ANAPC10: variants seen among roughly 807,000 people sequenced by gnomAD.
ANAPC10 encodes the protein anaphase promoting complex subunit 10.
ANAPC10 carries 12 observed loss-of-function variants against 22.0 expected under a neutral mutation model. The ratio of observed to expected loss-of-function variants is 0.55; its 90% CI spans 0.35 to 0.88. The LOEUF (loss-of-function observed/expected upper bound fraction) is 0.88. Ranked by LOEUF, ANAPC10 falls within the 40% of genes least tolerant of loss-of-function variation. The pLI, the probability that ANAPC10 is intolerant of heterozygous loss-of-function variation, is 0.01. For missense variants in ANAPC10, 188 were observed against 220.9 expected (o/e 0.85, Z 0.94); for synonymous variants, 65 against 69.5 (o/e 0.94, Z 0.32).
intron 4 of ANAPC10, among the ~76,000 whole-genome samples, chr4:145,033,613 G>A (rs980687598): frequency 2.6e-4 from 40 of 152,248 alleles, no homozygotes; most frequent in African/African-American, 8.7e-4. Flanking sequence ...CTGTGATTAA[G>A]GTCAATGGGA....
In ANAPC10 at chr4:145,008,879, C is replaced by T. The variant is rs532115249; in HGVS notation, c.328-13276G>A. Among the ~76,000 whole-genome samples the T allele has an allele frequency of 1.0e-3, 154 of 151,988 alleles. 1 individual carries two copies. Among genetic ancestry groups the T allele is most frequent in the South Asian group, 2.7e-3 (13 of 4,818 alleles). ...AAAAGAAATAAAGGGCATTCAATTA[C>T]GAAAAGAGGAAGTCATATTGTCCCT... On this transcript the variant is annotated intron_variant, in intron 4 of 4. Transcript: ENST00000507656.
chr4:145,077,997 A>C (rs1745431197), intron 3 of ANAPC10, among the ~76,000 whole-genome samples: 1 of 152,192 alleles, frequency 6.6e-6, no homozygotes, highest in African/African-American at 2.4e-5. Context: ...ACTTCTATTC[A>C]ACATAGTTCT....
intron 3 of ANAPC10, among the ~76,000 whole-genome samples, chr4:145,069,345 C>G (rs1258684233): frequency 6.6e-6 from 1 of 152,104 alleles, no homozygotes; most frequent in East Asian, 1.9e-4. Flanking sequence ...ATAAGCTACA[C>G]AAAGAAAAAA....
chr4:145,037,946 C>CAA (rs36071811), intron 4 of ANAPC10, among the ~76,000 whole-genome samples: 1,484 of 71,412 alleles, frequency 0.021, 38 homozygotes, highest in African/African-American at 0.061. Flanking sequence ...AACCCTGTCT[C>CAA]AAAAAAAAAA....
chr4:145,006,759 T>C (rs755493311), intron 4 of ANAPC10, among the ~76,000 whole-genome samples: 2 of 152,158 alleles, frequency 1.3e-5, no homozygotes, highest in African/African-American at 4.8e-5. Flanking sequence ...TAGCCTTTTT[T>C]CTGTCAGTAT....
rs114088423 is a variant in ANAPC10, at chr4:145,015,054, T to C, written c.328-19451A>G. Reference sequence around the variant, plus strand: ...CCTTAACACCCCCCAAAAAATCATATTGGCTCACCAGCAGTGGATCCAAAC... The same window carrying C: ...CCTTAACACCCCCCAAAAAATCATACTGGCTCACCAGCAGTGGATCCAAAC... On this transcript the variant is annotated intron_variant, in intron 4 of 4. Transcript: ENST00000507656. 4.3e-3 allele frequency among the ~76,000 whole-genome samples: 654 copies of C among 152,124 alleles called. 10 individuals carry two copies. The highest frequency in any genetic ancestry group is 0.015 in the African/African-American group (618 of 41,460).
At chr4:145,064,303 A>C (rs1232862970) in intron 4 of ANAPC10, 1 of 231,096 alleles carries the variant, frequency 4.3e-6, no homozygotes, top group Admixed American at 5.6e-5. Flanking sequence ...ACAACTGAAG[A>C]ATCTAGGAAG....
intron 4 of ANAPC10, among the ~76,000 whole-genome samples, chr4:145,011,957 A>G (rs1272612494): frequency 1.3e-5 from 2 of 152,108 alleles, no homozygotes; most frequent in South Asian, 2.1e-4. Flanking sequence ...CAGAAGTGTT[A>G]AAGAACAGAA....
intron 4 of ANAPC10, among the ~76,000 whole-genome samples, chr4:144,996,415 T>G (rs548866594): frequency 9.2e-5 from 14 of 152,288 alleles, no homozygotes; most frequent in Non-Finnish European, 1.8e-4. Flanking sequence ...CGGCTGCTGC[T>G]GCTGTGCTGG....
chr4:145,039,962 T>C (rs1486242883), intron 4 of ANAPC10, among the ~76,000 whole-genome samples: 1 of 152,144 alleles, frequency 6.6e-6, no homozygotes, highest in African/African-American at 2.4e-5. Flanking sequence ...GGTTCATGGT[T>C]AAATGGCAGA....
Position 145,059,461 on chromosome 4 carries a change from A to G in ANAPC10, c.327+5111T>C, listed in dbSNP as rs35193653. ...TTGGTAACAGCTTTATTATCTGAAG[A>G]CAAAAACAGAGCTTAAAATTCACTT... On this transcript the variant is annotated intron_variant, in intron 4 of 4. Transcript: ENST00000507656. Among the ~76,000 whole-genome samples the G allele has an allele frequency of 6.0e-4, 91 of 152,260 alleles. No homozygotes were observed. In the East Asian group the frequency reaches 0.017, roughly 29 times the overall value.
At chr4:145,010,327 A>T (rs1439371672) in intron 4 of ANAPC10, among the ~76,000 whole-genome samples, 1 of 152,196 alleles carries the variant, frequency 6.6e-6, no homozygotes, top group Non-Finnish European at 1.5e-5. Flanking sequence ...TACTGGGTAT[A>T]TACCCAAAGG....
chr4:145,034,155 T>C (rs1738072297), intron 4 of ANAPC10, among the ~76,000 whole-genome samples: 1 of 152,164 alleles, frequency 6.6e-6, no homozygotes, highest in Non-Finnish European at 1.5e-5. Flanking sequence ...TGGTTAATAC[T>C]GAAAGTCAAC....
chr4:145,009,594 G>A (rs1733973225), intron 4 of ANAPC10, among the ~76,000 whole-genome samples: 1 of 152,082 alleles, frequency 6.6e-6, no homozygotes, highest in South Asian at 2.1e-4. Flanking sequence ...TTTAACAAAT[G>A]GTACTGGGAA....
intron 4 of ANAPC10, among the ~76,000 whole-genome samples, chr4:144,998,575 C>T (rs967594974): frequency 2.0e-5 from 3 of 152,068 alleles, no homozygotes; most frequent in African/African-American, 7.2e-5. Flanking sequence ...CTAATGAGAA[C>T]AAAGACACAA....
intron 4 of ANAPC10, among the ~76,000 whole-genome samples, chr4:145,020,945 T>C (rs539784305): frequency 1.2e-3 from 186 of 151,458 alleles, no homozygotes; most frequent in African/African-American, 4.0e-3. Context: ...AAAGAAATCA[T>C]AGACAACACA....
At chr4:145,013,695 C>T (rs1734686355) in intron 4 of ANAPC10, among the ~76,000 whole-genome samples, 1 of 151,970 alleles carries the variant, frequency 6.6e-6, no homozygotes, top group Non-Finnish European at 1.5e-5. Flanking sequence ...CCAAGAGGAC[C>T]CACAGACCCT....
chr4:145,014,898 A>G (rs1174269616), intron 4 of ANAPC10, among the ~76,000 whole-genome samples: 1 of 152,158 alleles, frequency 6.6e-6, no homozygotes, highest in Non-Finnish European at 1.5e-5. Flanking sequence ...AGAGTGCTAC[A>G]TCAAGGGAAC....
At chr4:145,015,841 T>A (rs1021025745) in intron 4 of ANAPC10, among the ~76,000 whole-genome samples, 4 of 152,092 alleles carry the variant, frequency 2.6e-5, no homozygotes, top group Non-Finnish European at 4.4e-5. Context: ...AAACTAAGCA[T>A]CAAATATGAA....
Sources: gnomAD v4.1 joint callset for allele counts (sites outside exome capture counted in the v4.1 genomes callset) on GRCh38, gnomAD v4.1.1 for gene constraint, MANE v1.5 for transcripts, NCBI Gene and HGNC (gene_info 2026-07-23, HGNC 2026-07-21) for gene names.